SEZ6L: variants seen among roughly 807,000 people sequenced by gnomAD.
SEZ6L encodes the protein seizure 6-like protein.
In SEZ6L, 37 loss-of-function variants were observed where a neutral mutation model predicts 106.2. That is an observed-to-expected ratio of 0.35 (90% CI 0.27 to 0.46). SEZ6L has a LOEUF of 0.46. Ranked by LOEUF, SEZ6L falls within the 20% of genes least tolerant of loss-of-function variation. The pLI is 1.00. For synonymous variants in SEZ6L, 541 were observed against 570.4 expected (o/e 0.95, Z 0.73); for missense variants, 1,172 against 1,332.8 (o/e 0.88, Z 1.88).
At chr22:26,310,960 C>G (rs899967428) in intron 7 of SEZ6L, 124 bp downstream of exon 7, 26 of 920,738 alleles carry the variant, frequency 2.8e-5, no homozygotes, top group Non-Finnish European at 3.6e-5. Flanking sequence ...CCATGTGGAT[C>G]CTTTGGTTTC....
At chr22:26,261,747 T>G (rs563588171) in intron 1 of SEZ6L, among the ~76,000 whole-genome samples, 1 of 152,292 alleles carries the variant, frequency 6.6e-6, no homozygotes, top group South Asian at 2.1e-4. Flanking sequence ...GTGAGGTCTC[T>G]CCTTTGAAAG....
chr22:26,336,163 A>G (rs1414966612), intron 9 of SEZ6L, among the ~76,000 whole-genome samples: 4 of 152,004 alleles, frequency 2.6e-5, no homozygotes, highest in Non-Finnish European at 5.9e-5. Context: ...GGCCCTTCCC[A>G]CTTCTCCAGC....
At chr22:26,248,507 A>G (rs755968079) in intron 1 of SEZ6L, among the ~76,000 whole-genome samples, 2 of 152,132 alleles carry the variant, frequency 1.3e-5, no homozygotes, top group Non-Finnish European at 2.9e-5. Flanking sequence ...ATGCCCAGCT[A>G]GTTTTTCTAT....
intron 9 of SEZ6L, among the ~76,000 whole-genome samples, 185 bp downstream of exon 9, chr22:26,314,087 C>G (rs1180523062): frequency 1.4e-5 from 2 of 143,316 alleles, no homozygotes; most frequent in African/African-American, 5.6e-5. Context: ...CACACACACA[C>G]ACACACACAG....
intron 14 of SEZ6L, 104 bp from the exon 15 acceptor site, chr22:26,375,471 G>A: frequency 3.5e-6 from 3 of 856,022 alleles, no homozygotes. Context: ...CAGAGCCTTA[G>A]ACCTTGGAAA....
chr22:26,215,290 A>G (rs190950380), intron 1 of SEZ6L, among the ~76,000 whole-genome samples: 2 of 152,338 alleles, frequency 1.3e-5, no homozygotes, highest in East Asian at 1.9e-4. Flanking sequence ...TACATGCACA[A>G]TGGTGGAGGT....
intron 1 of SEZ6L, among the ~76,000 whole-genome samples, chr22:26,199,584 G>T (rs1940796504): frequency 6.6e-6 from 1 of 152,148 alleles, no homozygotes; most frequent in Non-Finnish European, 1.5e-5. Context: ...CATATGTGAA[G>T]TTCCATTACC....
chr22:26,206,380 C>T (rs1446409074), intron 1 of SEZ6L, among the ~76,000 whole-genome samples: 2 of 152,212 alleles, frequency 1.3e-5, no homozygotes, highest in Non-Finnish European at 2.9e-5. Context: ...ATTTTTAAAA[C>T]ATTGAATTAA....
At chr22:26,197,149 A>T (rs866531619) in intron 1 of SEZ6L, among the ~76,000 whole-genome samples, 1 of 147,442 alleles carries the variant, frequency 6.8e-6, no homozygotes, top group African/African-American at 2.6e-5. Flanking sequence ...AATCAGAATT[A>T]TTTGTTTTTT....
At chr22:26,335,270 C>A (rs2082610776) in intron 9 of SEZ6L, among the ~76,000 whole-genome samples, 1 of 152,206 alleles carries the variant, frequency 6.6e-6, no homozygotes, top group African/African-American at 2.4e-5. Context: ...CTCCCAGTGA[C>A]CCTTCAGGCA....
chr22:26,283,406 G>A (rs1285983117), intron 1 of SEZ6L, among the ~76,000 whole-genome samples: 1 of 152,172 alleles, frequency 6.6e-6, no homozygotes, highest in African/African-American at 2.4e-5. Flanking sequence ...AAAGAGTAAA[G>A]TGACTATGTG....
chr22:26,305,942 C>A, intron 5 of SEZ6L, 37 bp from the exon 6 acceptor site: 3 of 1,509,514 alleles, frequency 2.0e-6, no homozygotes, highest in Non-Finnish European at 2.7e-6. Context: ...TCCCTCTCTG[C>A]TCTCTCCCAT....
At chr22:26,338,201 G>A (rs146046243) in intron 9 of SEZ6L, among the ~76,000 whole-genome samples, 195 of 152,214 alleles carry the variant, frequency 1.3e-3, no homozygotes, top group African/African-American at 4.3e-3. Context: ...GTGTCTCCCC[G>A]TCTCCTGCAA....
chr22:26,346,965 G>A (rs1046697804), intron 10 of SEZ6L, among the ~76,000 whole-genome samples: 14 of 151,966 alleles, frequency 9.2e-5, no homozygotes, highest in Non-Finnish European at 1.5e-4. Flanking sequence ...AGGCCCAGGC[G>A]GTAGGATTGC....
chr22:26,262,802 C>T (rs1362810057), intron 1 of SEZ6L, among the ~76,000 whole-genome samples: 1 of 152,150 alleles, frequency 6.6e-6, no homozygotes, highest in African/African-American at 2.4e-5. Context: ...TCAAGAGAAA[C>T]CTTGGTCCCT....
chr22:26,195,981 CCAAGGAAG>C lies in SEZ6L; in HGVS notation c.94+26219_94+26226del, dbSNP rs1272616932. Among the ~76,000 whole-genome samples, 43 of 151,926 alleles carry C rather than the reference CCAAGGAAG, an allele frequency of 2.8e-4. 1 individual carries two copies. Among genetic ancestry groups the C allele is most frequent in the Admixed American group, 2.8e-3 (43 of 15,248 alleles). On this transcript the variant is annotated intron_variant, in intron 1 of 16. Coordinates refer to ENST00000248933, the MANE Select transcript of SEZ6L (RefSeq NM_021115.5). ...CAAAGGAAACAGCATATGCAAAGCC[CCAAGGAAG>C]GAATGAGTGATATAGTTTTGATCTG...
intron 1 of SEZ6L, among the ~76,000 whole-genome samples, chr22:26,218,919 C>T (rs181073222): frequency 2.0e-5 from 3 of 151,658 alleles, no homozygotes; most frequent in Admixed American, 6.6e-5. Flanking sequence ...GCCTAGGCAA[C>T]GGAATGAGAC....
intron 1 of SEZ6L, among the ~76,000 whole-genome samples, chr22:26,171,649 C>A (rs1938615407): frequency 6.6e-6 from 1 of 152,222 alleles, no homozygotes; most frequent in South Asian, 2.1e-4. Flanking sequence ...ACATTTCATA[C>A]TATTTTTCCA....
At chr22:26,266,208 C>T (rs2080171748) in intron 1 of SEZ6L, among the ~76,000 whole-genome samples, 2 of 151,388 alleles carry the variant, frequency 1.3e-5, no homozygotes, top group African/African-American at 4.9e-5. Context: ...GACTGCTTGG[C>T]CCACAGAGAT....
Sources: allele counts gnomAD v4.1 joint callset (sites outside exome capture counted in the v4.1 genomes callset), GRCh38; gene constraint gnomAD v4.1.1; transcripts MANE v1.5; gene names NCBI Gene and HGNC (gene_info 2026-07-23, HGNC 2026-07-21).